Variants in NIPAL2 observed in about 807,000 individuals in gnomAD.
NIPAL2 encodes the protein NIPA-like protein 2.
In NIPAL2, 43 loss-of-function variants were observed where a neutral mutation model predicts 48.9. That is an observed-to-expected ratio of 0.88 (90% CI 0.69 to 1.13). The LOEUF (loss-of-function observed/expected upper bound fraction) is 1.13, where lower values mean the gene tolerates loss of function less well. Ranked by LOEUF, NIPAL2 falls within the 50% of genes most tolerant of loss-of-function variation. The pLI is 0.00. For synonymous variants in NIPAL2, 167 were observed against 174.6 expected (o/e 0.96, Z 0.34); for missense variants, 446 against 461.4 (o/e 0.97, Z 0.31).
chr8:98,269,055 G>T (rs529994488), intron 1 of NIPAL2, among the ~76,000 whole-genome samples: 1 of 152,280 alleles, frequency 6.6e-6, no homozygotes, highest in African/African-American at 2.4e-5. Context: ...TCATGAGATG[G>T]CAGCAATTCA....
At position 98,268,621 on chromosome 8, in the gene NIPAL2, AG is replaced by A. The variant is rs1203204255; in HGVS notation, c.136-14535del. Among the ~76,000 whole-genome samples the A allele has an allele frequency of 7.2e-3, 809 of 112,962 alleles. 6 individuals are homozygous for A. The highest frequency in any genetic ancestry group is 0.022 in the African/African-American group (741 of 34,336). The allele number at this position is 112,962 out of a possible 152,430, so 74.1% of individuals were successfully genotyped here. ...GGGCAACAGAGCAAGACTGTCTCAA[AG>A]AAAAAAAAAAAAAACAAGAAGAAAG... On this transcript the variant is annotated intron_variant, in intron 1 of 10. Transcript: ENST00000430223.
At chr8:98,287,129 A>G (rs1340912781) in intron 1 of NIPAL2, among the ~76,000 whole-genome samples, 3 of 152,162 alleles carry the variant, frequency 2.0e-5, no homozygotes, top group Non-Finnish European at 4.4e-5. Flanking sequence ...GCTAAAATAA[A>G]TGGCACAAAG....
In NIPAL2 at chr8:98,289,009, T is replaced by C. The variant is rs145907148; in HGVS notation, c.135+4994A>G. Reference sequence around the variant, plus strand: ...GTGTGCTCCCAAATACTATAGTAAATGGTGTCTTTTTCTGCTGTGTCTTTT... The same window carrying C: ...GTGTGCTCCCAAATACTATAGTAAACGGTGTCTTTTTCTGCTGTGTCTTTT... On this transcript the variant is annotated intron_variant, in intron 1 of 10. Coordinates refer to ENST00000430223, the MANE Select transcript of NIPAL2 (RefSeq NM_001321635.2). 6.5e-3 allele frequency among the ~76,000 whole-genome samples: 992 copies of C among 152,320 alleles called. 6 individuals are homozygous for C. Among genetic ancestry groups the C allele is most frequent in the South Asian group, 0.019 (90 of 4,828 alleles).
chr8:98,262,379 A>G, intron 1 of NIPAL2, among the ~76,000 whole-genome samples: 1 of 147,852 alleles, frequency 6.8e-6, no homozygotes, highest in African/African-American at 2.5e-5. Context: ...GTATTCAGGA[A>G]ACCCATCTCA....
At chr8:98,280,448 T>C (rs1238060215) in intron 1 of NIPAL2, among the ~76,000 whole-genome samples, 1 of 152,018 alleles carries the variant, frequency 6.6e-6, no homozygotes, top group African/African-American at 2.4e-5. Context: ...ATAGTACAGA[T>C]TGAGTGATTT....
At chr8:98,210,086 ATGT>A (rs1334983302) in intron 6 of NIPAL2, among the ~76,000 whole-genome samples, 2 of 151,890 alleles carry the variant, frequency 1.3e-5, no homozygotes, top group Admixed American at 6.6e-5. Flanking sequence ...TTTTAAGAAC[ATGT>A]TGTGTTTAGT....
At chr8:98,205,441 T>C (rs1810983888) in intron 6 of NIPAL2, among the ~76,000 whole-genome samples, 195 bp from the exon 7 acceptor site, 1 of 152,012 alleles carries the variant, frequency 6.6e-6, no homozygotes, top group African/African-American at 2.4e-5. Context: ...ATATCAAATT[T>C]GCTTAAATCA....
intron 1 of NIPAL2, among the ~76,000 whole-genome samples, chr8:98,258,603 C>G (rs752469665): frequency 3.9e-5 from 6 of 152,072 alleles, no homozygotes; most frequent in Non-Finnish European, 8.8e-5. Context: ...GACTGAAACC[C>G]GAACTTAGGA....
At chr8:98,279,384 C>T (rs545378207) in intron 1 of NIPAL2, among the ~76,000 whole-genome samples, 7 of 152,318 alleles carry the variant, frequency 4.6e-5, no homozygotes, top group African/African-American at 1.4e-4. Context: ...TAGAAACTTC[C>T]CATTACATTA....
intron 1 of NIPAL2, among the ~76,000 whole-genome samples, chr8:98,255,505 A>C (rs1813838096): frequency 6.6e-6 from 1 of 152,250 alleles, no homozygotes; most frequent in Non-Finnish European, 1.5e-5. Context: ...ACCAAATTCC[A>C]GCCTGACTCA....
intron 4 of NIPAL2, among the ~76,000 whole-genome samples, chr8:98,231,170 G>C (rs1340848197): frequency 6.6e-6 from 1 of 152,028 alleles, no homozygotes; most frequent in Non-Finnish European, 1.5e-5. Context: ...AGTCTCTCTG[G>C]ATTCCTCAGG....
chr8:98,193,683 G>A (rs1479042721), intron 10 of NIPAL2, among the ~76,000 whole-genome samples: 1 of 151,860 alleles, frequency 6.6e-6, no homozygotes, highest in African/African-American at 2.4e-5. Flanking sequence ...GCCGGGCATG[G>A]TGGTGCCTAC....
At chr8:98,239,289 C>G (rs1461089812) in intron 3 of NIPAL2, among the ~76,000 whole-genome samples, 2 of 152,214 alleles carry the variant, frequency 1.3e-5, no homozygotes, top group African/African-American at 4.8e-5. Flanking sequence ...TACATTACAG[C>G]AGAGCTGGAA....
At chr8:98,209,445 CAAAAAAAAA>C (rs33923448) in intron 6 of NIPAL2, among the ~76,000 whole-genome samples, 2 of 70,512 alleles carry the variant, frequency 2.8e-5, no homozygotes, top group Non-Finnish European at 5.0e-5. Flanking sequence ...CCTGTCTCTC[CAAAAAAAAA>C]AAAAAAAAAA....
chr8:98,240,071 C>A (rs1586377085), intron 3 of NIPAL2, among the ~76,000 whole-genome samples: 1 of 152,222 alleles, frequency 6.6e-6, no homozygotes, highest in South Asian at 2.1e-4. Flanking sequence ...AAAAATAGAG[C>A]ATTTCAAGAT....
At chr8:98,223,908 G>T (rs1278935290) in intron 4 of NIPAL2, among the ~76,000 whole-genome samples, 2 of 152,180 alleles carry the variant, frequency 1.3e-5, no homozygotes, top group Non-Finnish European at 2.9e-5. Context: ...GGTCAGTCAT[G>T]TCTTTTCTTT....
At chr8:98,230,859 C>T (rs1044250791) in intron 4 of NIPAL2, among the ~76,000 whole-genome samples, 6 of 152,170 alleles carry the variant, frequency 3.9e-5, no homozygotes, top group African/African-American at 1.2e-4. Context: ...CTCCTCTCTC[C>T]CCGAACTAAA....
intron 3 of NIPAL2, chr8:98,251,634 T>C (rs1813596637): frequency 6.6e-6 from 1 of 152,226 alleles, no homozygotes; most frequent in Non-Finnish European, 1.5e-5. Flanking sequence ...CGAATCTACA[T>C]CGTTTCAGTT....
intron 10 of NIPAL2, chr8:98,193,392 C>G (rs780498566): frequency 2.5e-6 from 4 of 1,613,962 alleles, no homozygotes; most frequent in Non-Finnish European, 3.4e-6. Flanking sequence ...CACCTCCAAG[C>G]CTTTCTCTCT....
Sources: gnomAD v4.1 joint callset for allele counts (sites outside exome capture counted in the v4.1 genomes callset) on GRCh38, gnomAD v4.1.1 for gene constraint, MANE v1.5 for transcripts, NCBI Gene and HGNC (gene_info 2026-07-23, HGNC 2026-07-21) for gene names.